Variants in MLYCD observed in about 807,000 individuals in gnomAD.
The protein encoded by MLYCD is malonyl-CoA decarboxylase, also known as malonyl-CoA decarboxylase, mitochondrial.
Under a neutral mutation model 35.8 loss-of-function variants are expected in MLYCD, and 27 were observed. The observed-to-expected ratio is 0.75, with a 90% CI of 0.56 to 1.04. The LOEUF is 1.04. Ranked by LOEUF, MLYCD falls within the 50% of genes least tolerant of loss-of-function variation. The pLI is 0.00. For missense variants in MLYCD, 917 were observed against 665.1 expected (o/e 1.38, Z -4.17); for synonymous variants, 403 against 302.4 (o/e 1.33, Z -3.45).
chr16:83,907,723 C>T (rs76317419), intron 2 of MLYCD, among the ~76,000 whole-genome samples: 3,870 of 152,204 alleles, frequency 0.025, 179 homozygotes, highest in African/African-American at 0.09. Flanking sequence ...AACAAAATAG[C>T]GGTGGGGCGA....
intron 3 of MLYCD, among the ~76,000 whole-genome samples, chr16:83,910,248 G>C (rs1907127627): frequency 6.7e-6 from 1 of 149,816 alleles, no homozygotes. Context: ...TATTCACTTA[G>C]TTTTATCAAT....
Position 83,899,148 on chromosome 16 carries a change from C to A in MLYCD, c.4C>A (p.Arg2=). The A allele has an allele frequency of 8.8e-7, 1 of 1,141,780 alleles. No individual in the cohort carries two copies. 70.7% of individuals were successfully genotyped at this position (1,141,780 alleles called of 1,614,324 possible). The change falls in exon 1 of 5, where the codon CGA becomes AGA. Residue 2 remains arginine (R), a synonymous_variant. Transcript: ENST00000262430. ...TCGGCAGCTGTTGTGGGGCACCATG[C>A]GAGGCTTCGGGCCAGGCTTGACGGC... M[R]GFGPGLTARR...
intron 1 of MLYCD, among the ~76,000 whole-genome samples, chr16:83,902,342 T>C (rs989109415): frequency 1.3e-5 from 2 of 150,528 alleles, no homozygotes; most frequent in South Asian, 2.1e-4. Context: ...TATAGATAGG[T>C]GTGAGCCCAG....
chr16:83,921,996 C>T lies in MLYCD; in HGVS notation c.*6507C>T, dbSNP rs1567640649. On this transcript the variant is annotated 3_prime_UTR_variant, in exon 5 of 5. Coordinates refer to ENST00000262430, the MANE Select transcript of MLYCD (RefSeq NM_012213.3). ...CAGTCTCACAGACCTGGTTTCCATC[C>T]CACTTGCTCTCAGGAACCCTGGGCA... The T allele has an allele frequency of 6.6e-6, 1 of 152,132 alleles. No homozygotes were observed. Among genetic ancestry groups the T allele is most frequent in the African/African-American group, 2.4e-5 (1 of 41,418 alleles). 9.4% of individuals were successfully genotyped at this position (152,132 alleles called of 1,614,324 possible). A position where few individuals can be genotyped will look rare whatever the true frequency, so the allele number is the denominator to read the frequency against.
rs928624769 is a variant in MLYCD at position 83,923,658 on chromosome 16, T to C, written c.*8169T>C. ...GAAGCTGGAGCGAGTGTTCCTCACT[T>C]AGAGATGAGGCGATGAGGCGGCGAG... On this transcript the variant is annotated 3_prime_UTR_variant, in exon 5 of 5. Coordinates refer to ENST00000262430, the MANE Select transcript of MLYCD (RefSeq NM_012213.3). The C allele has an allele frequency of 6.6e-6, 1 of 152,284 alleles. No individual in the cohort carries two copies. The highest frequency in any genetic ancestry group is 1.5e-5 in the Non-Finnish European group (1 of 68,088). The allele number at this position is 152,284 out of a possible 1,614,324, so 9.4% of individuals were successfully genotyped here. A position where few individuals can be genotyped will look rare whatever the true frequency, so the allele number is the denominator to read the frequency against.
chr16:83,914,675 A>G (rs1907307807), intron 4 of MLYCD: 19 of 460,272 alleles, frequency 4.1e-5, no homozygotes, highest in South Asian at 3.8e-4. Context: ...GCTACTCAGC[A>G]GGCTGAGGCA....
Position 83,915,587 on chromosome 16 carries a change from G to T in MLYCD, c.*98G>T. ...TATCTGAAGCAGCTTTCCAAGCAAAGCCAAAGTTGACTGTGTTCTTGTCCC... is the reference window on the plus strand; with the variant it reads ...TATCTGAAGCAGCTTTCCAAGCAAATCCAAAGTTGACTGTGTTCTTGTCCC... On this transcript the variant is annotated 3_prime_UTR_variant, in exon 5 of 5. Transcript: ENST00000262430. 1 of 1,548,414 alleles carries T rather than the reference G, an allele frequency of 6.5e-7. No individual in the cohort carries two copies. Among genetic ancestry groups the T allele is most frequent in the Non-Finnish European group, 8.7e-7 (1 of 1,154,672 alleles).
chr16:83,914,651 A>C (rs964785498), intron 4 of MLYCD: 12 of 428,368 alleles, frequency 2.8e-5, no homozygotes, highest in Admixed American at 1.1e-4. Flanking sequence ...TGGCGGCGCG[A>C]GCCTGTGGTC....
At position 83,906,955 on chromosome 16, in the gene MLYCD, T is replaced by C. The variant is rs879117476; in HGVS notation, c.529-32T>C. 7.6e-6 allele frequency: 12 copies of C among 1,581,452 alleles called. 2 individuals are homozygous for C. In the Admixed American group the frequency reaches 2.0e-4, roughly 26 times the overall value. On this transcript the variant is annotated intron_variant, in intron 1 of 4. Transcript: ENST00000262430. ...GAGATGGGCTTGATCTGTCGCACAT[T>C]GGAGGCCTGGGATTTATCTTCTCCT...
At position 83,915,875 on chromosome 16, in the gene MLYCD, C is replaced by G. The variant is rs1293908135; in HGVS notation, c.*386C>G. 1.7e-6 allele frequency: 2 copies of G among 1,168,712 alleles called. No individual in the cohort carries two copies. Among genetic ancestry groups the G allele is most frequent in the Non-Finnish European group, 2.1e-6 (2 of 936,148 alleles). 72.4% of individuals were successfully genotyped at this position (1,168,712 alleles called of 1,614,324 possible). On this transcript the variant is annotated 3_prime_UTR_variant, in exon 5 of 5. Transcript: ENST00000262430. ...TCCTCCTAAGGACCGGGGCGCGTGG[C>G]CCAGATAAGAATAGGTGTTCCTTTG...
chr16:83,909,039 G>C (rs1217898770), intron 3 of MLYCD, among the ~76,000 whole-genome samples: 2 of 152,188 alleles, frequency 1.3e-5, no homozygotes, highest in Non-Finnish European at 2.9e-5. Flanking sequence ...TAGAGAAGCT[G>C]AGTAGGGCAA....
At chr16:83,901,866 C>T (rs1333494328) in intron 1 of MLYCD, among the ~76,000 whole-genome samples, 3 of 152,064 alleles carry the variant, frequency 2.0e-5, no homozygotes, top group Non-Finnish European at 4.4e-5. Flanking sequence ...TAATGCTAGG[C>T]CAAAAGTCCT....
At position 83,925,605 on chromosome 16, in the gene MLYCD, T is replaced by A. The variant is rs1907781505; in HGVS notation, c.*10116T>A. ...CCCACCATCCCCGTCACCCTCCCTG[T>A]CACACACAGCCCCCTCCGTGGCCTC... On this transcript the variant is annotated 3_prime_UTR_variant, in exon 5 of 5. Transcript: ENST00000262430. The A allele has an allele frequency of 1.3e-5, 2 of 152,440 alleles. No individual in the cohort carries two copies. The highest frequency in any genetic ancestry group is 1.3e-4 in the Admixed American group (2 of 15,270). The allele number at this position is 152,440 out of a possible 1,614,324, so 9.4% of individuals were successfully genotyped here.
rs1907510766 is a variant in MLYCD at position 83,918,440 on chromosome 16, C to T, written c.*2951C>T. The T allele has an allele frequency of 6.8e-6, 1 of 146,296 alleles. No homozygotes were observed. The highest frequency in any genetic ancestry group is 1.5e-5 in the Non-Finnish European group (1 of 67,330). The allele number at this position is 146,296 out of a possible 1,614,324, so 9.1% of individuals were successfully genotyped here. ...AGTGCACAGGAGAACACATGGTGCA[C>T]AGGAGAACACGCACACACGGTGCAC... On this transcript the variant is annotated 3_prime_UTR_variant, in exon 5 of 5. Coordinates refer to ENST00000262430, the MANE Select transcript of MLYCD (RefSeq NM_012213.3).
In MLYCD at chr16:83,914,957, G is replaced by T; in HGVS notation, c.950G>T (p.Arg317Ile). ...LIKRVVKELQ[R>I]EFPHLGVFSS... ...TTCCACCCCAACCATGCTTTACAGA[G>T]AGAGTTTCCTCACCTTGGGGTGTTT... Residue 317 changes from arginine (R) to isoleucine (I), a missense_variant and splice_region_variant, in exon 5 of 5, where the codon AGA becomes ATA. Transcript: ENST00000262430. 1 of 1,614,226 alleles carries T rather than the reference G, an allele frequency of 6.2e-7. No homozygotes were observed. Among genetic ancestry groups the T allele is most frequent in the Non-Finnish European group, 8.5e-7 (1 of 1,180,040 alleles).
intron 1 of MLYCD, among the ~76,000 whole-genome samples, chr16:83,904,205 A>G (rs1001342571): frequency 2.6e-5 from 4 of 152,184 alleles, no homozygotes; most frequent in Admixed American, 6.5e-5. Context: ...CACGAATGTA[A>G]GACAGATACC....
chr16:83,899,242 C>G lies in MLYCD; in HGVS notation c.98C>G (p.Ala33Gly), dbSNP rs2151053119. 1 of 1,266,966 alleles carries G rather than the reference C, an allele frequency of 7.9e-7. No individual in the cohort carries two copies. Among genetic ancestry groups the G allele is most frequent in the Non-Finnish European group, 9.9e-7 (1 of 1,011,790 alleles). The allele number at this position is 1,266,966 out of a possible 1,614,324, so 78.5% of individuals were successfully genotyped here. The change falls in exon 1 of 5, where the codon GCC becomes GGC. Residue 33 changes from alanine to glycine, a missense_variant. By Grantham distance (60) the Ala-to-Gly change is moderately conservative (BLOSUM62 0). Transcript: ENST00000262430. ...PGPRLASGQA[A>G]GALERAMDEL... is the part of the protein sequence containing the mutation. ...CCCCGGCTGGCGAGCGGGCAGGCGG[C>G]CGGCGCCCTGGAGCGGGCCATGGAC...
Position 83,923,172 on chromosome 16 carries a change from G to A in MLYCD, c.*7683G>A, listed in dbSNP as rs954229850. The A allele has an allele frequency of 2.0e-5, 3 of 152,252 alleles. No homozygotes were observed. Among genetic ancestry groups the A allele is most frequent in the African/African-American group, 4.8e-5 (2 of 41,452 alleles). The allele number at this position is 152,252 out of a possible 1,614,324, so 9.4% of individuals were successfully genotyped here. A position where few individuals can be genotyped will look rare whatever the true frequency, so the allele number is the denominator to read the frequency against. ...AACAACCAAGAGTTGCTCCCAAGAGGGCTTCCCTCCTCCTCGTTCTGTGTG... is the reference window on the plus strand; with the variant it reads ...AACAACCAAGAGTTGCTCCCAAGAGAGCTTCCCTCCTCCTCGTTCTGTGTG... On this transcript the variant is annotated 3_prime_UTR_variant, in exon 5 of 5. Transcript: ENST00000262430.
intron 4 of MLYCD, chr16:83,913,833 G>C (rs2151059480): frequency 6.6e-6 from 1 of 151,760 alleles, no homozygotes; most frequent in Non-Finnish European, 1.5e-5. Context: ...CAGTGGTTCG[G>C]GGTGGGGGAA....
Sources: allele counts gnomAD v4.1 joint callset (sites outside exome capture counted in the v4.1 genomes callset), GRCh38; gene constraint gnomAD v4.1.1; transcripts MANE v1.5; gene names NCBI Gene and HGNC (gene_info 2026-07-23, HGNC 2026-07-21).